The following SLC25A26 variants were observed in gnomAD, a reference collection of about 807,000 sequenced individuals.
The protein encoded by SLC25A26 is mitochondrial S-adenosylmethionine carrier protein.
In SLC25A26, 36 loss-of-function variants were observed where a neutral mutation model predicts 37.8. The observed-to-expected ratio is 0.95, with a 90% CI of 0.73 to 1.26. SLC25A26 has a LOEUF of 1.26. Among genes scored for constraint, SLC25A26 ranks in the 50% most tolerant of loss-of-function variants. SLC25A26 has a pLI of 0.00. For synonymous variants in SLC25A26, 129 were observed against 122.5 expected, an observed-to-expected ratio of 1.05 and a Z score of -0.35; for missense variants, 390 against 331.1, an observed-to-expected ratio of 1.18 and a Z score of -1.38.
Position 66,362,897 on chromosome 3 carries a change from C to T in SLC25A26, c.536C>T (p.Ser179Phe), listed in dbSNP as rs2076743045. 1 of 1,608,378 alleles carries T rather than the reference C, an allele frequency of 6.2e-7. No individual in the cohort carries two copies. Among genetic ancestry groups the T allele is most frequent in the Non-Finnish European group, 8.5e-7 (1 of 1,177,402 alleles). ...WSWRQDHVVD[S>F]WQSAVCGAFA... is the part of the protein sequence containing the mutation. The stretch of plus-strand genomic sequence containing the variant: ...TGGAGGCAGGATCATGTGGTGGATT[C>T]TTGGCAGTCAGCAGTCTGTGGAGCT... The change falls in exon 7 of 10, where the codon TCT becomes TTT. Residue 179 changes from serine (S) to phenylalanine (F), a missense_variant. Transcript: ENST00000354883.
chr3:66,297,021 A>G (rs74845284), intron 5 of SLC25A26, among the ~76,000 whole-genome samples: 7,122 of 152,302 alleles, frequency 0.047, 219 homozygotes, highest in South Asian at 0.074. Context: ...AGTAATAATA[A>G]GAATAAGAAT....
At chr3:66,356,540 C>G (rs1477921945) in intron 6 of SLC25A26, among the ~76,000 whole-genome samples, 2 of 152,150 alleles carry the variant, frequency 1.3e-5, no homozygotes, top group Admixed American at 1.3e-4. Context: ...CAACTAGGGT[C>G]TGTAGCTTAG....
Position 66,371,440 on chromosome 3 carries a change from T to A in SLC25A26, c.707+838T>A, listed in dbSNP as rs908658122. On this transcript the variant is annotated intron_variant, in intron 9 of 9. Transcript: ENST00000354883. The stretch of plus-strand genomic sequence containing the variant: ...TGAGTCAGGACCCAGTTAAGGTTTT[T>A]ATAGGAGAGCAGCACATCCTAGATT... 29 of 1,412,256 alleles carry A rather than the reference T, an allele frequency of 2.1e-5. No homozygotes were observed. The Middle Eastern group carries it at 7.4e-4, about 36-fold the overall frequency. 87.5% of individuals were successfully genotyped at this position (1,412,256 alleles called of 1,614,324 possible). A position where few individuals can be genotyped will look rare whatever the true frequency, so the allele number is the denominator to read the frequency against.
rs182780154 is a variant in SLC25A26 at position 66,248,437 on chromosome 3, G to C, written c.300+5125G>C. Among the ~76,000 whole-genome samples, 15 of 152,282 alleles carry C rather than the reference G, an allele frequency of 9.9e-5. No homozygotes were observed. The East Asian group carries it at 2.5e-3, about 25-fold the overall frequency. ...CTTTGGGAAGTAGAATCTGTAATTA[G>C]ATCAAAGGTTGGGGCAGGTTTACTT... On this transcript the variant is annotated intron_variant, in intron 3 of 9. Coordinates refer to ENST00000354883, the MANE Select transcript of SLC25A26 (RefSeq NM_001379210.1).
At chr3:66,187,612 C>G (rs1190245929) in intron 1 of SLC25A26, among the ~76,000 whole-genome samples, 1 of 151,986 alleles carries the variant, frequency 6.6e-6, no homozygotes. Flanking sequence ...CCTAATCTTT[C>G]CTCTGAAACC....
At chr3:66,273,187 C>T (rs1415997243) in intron 5 of SLC25A26, among the ~76,000 whole-genome samples, 1 of 152,030 alleles carries the variant, frequency 6.6e-6, no homozygotes, top group Non-Finnish European at 1.5e-5. Context: ...CTGCTGGATT[C>T]GGTTTGCCAG....
chr3:66,345,795 T>C (rs1188631488), intron 5 of SLC25A26, among the ~76,000 whole-genome samples: 2 of 152,202 alleles, frequency 1.3e-5, no homozygotes, highest in Non-Finnish European at 2.9e-5. Flanking sequence ...GTTTTTATTA[T>C]GCTGGGAAAT....
intron 1 of SLC25A26, among the ~76,000 whole-genome samples, chr3:66,191,460 C>A (rs1363447741): frequency 1.3e-5 from 2 of 152,128 alleles, no homozygotes; most frequent in East Asian, 1.9e-4. Flanking sequence ...ACATTCCTCT[C>A]AAAAATATCT....
At chr3:66,169,630 T>C (rs763998891) in intron 1 of SLC25A26, among the ~76,000 whole-genome samples, 33 of 152,354 alleles carry the variant, frequency 2.2e-4, no homozygotes, top group Non-Finnish European at 4.0e-4. Flanking sequence ...GTTTATCTTG[T>C]TCATATCTAT....
At position 66,143,164 on chromosome 3, in the gene SLC25A26, T is replaced by TA. The variant is rs538090656; in HGVS notation, c.-354+9193dup. 7.9e-3 allele frequency among the ~76,000 whole-genome samples: 1,144 copies of TA among 143,928 alleles called. 16 individuals carry two copies. Among genetic ancestry groups the TA allele is most frequent in the African/African-American group, 0.024 (951 of 39,614 alleles). The allele number at this position is 143,928 out of a possible 152,430, so 94.4% of individuals were successfully genotyped here. ...ACAATTTTCTTTCATGGCTGAATAA[T>TA]AAAAAAAAAAAAATTGCCATTATCC... is the stretch of plus-strand genomic sequence containing the variant. On this transcript the variant is annotated intron_variant, in intron 1 of 10. Transcript: ENST00000676754.
At chr3:66,230,910 T>A (rs1383011979) in intron 1 of SLC25A26, among the ~76,000 whole-genome samples, 1 of 151,906 alleles carries the variant, frequency 6.6e-6, no homozygotes, top group Non-Finnish European at 1.5e-5. Flanking sequence ...TGCAGTGGCT[T>A]ATGCCTGTAA....
Position 66,230,257 on chromosome 3 carries a change from T to C in SLC25A26, c.34-6287T>C, listed in dbSNP as rs546126555. ...TGATGGTTAGTACCAAAAGGAAATA[T>C]AAACAACATTATATACTAGAGTGAT... On this transcript the variant is annotated intron_variant, in intron 1 of 9. Transcript: ENST00000354883. Among the ~76,000 whole-genome samples the C allele has an allele frequency of 4.6e-5, 7 of 152,310 alleles. No individual in the cohort carries two copies. In the South Asian group the frequency reaches 1.4e-3, roughly 32 times the overall value.
chr3:66,150,015 C>T (rs1465893974), intron 1 of SLC25A26, among the ~76,000 whole-genome samples: 1 of 152,010 alleles, frequency 6.6e-6, no homozygotes, highest in African/African-American at 2.4e-5. Flanking sequence ...TGTGACCAAA[C>T]GTGGGGCTTT....
In SLC25A26 at chr3:66,233,820, A is replaced by G. The variant is rs149859390; in HGVS notation, c.34-2724A>G. 3.7e-3 allele frequency among the ~76,000 whole-genome samples: 564 copies of G among 152,188 alleles called. 5 individuals are homozygous for G. Among genetic ancestry groups the G allele is most frequent in the African/African-American group, 0.013 (546 of 41,526 alleles). On this transcript the variant is annotated intron_variant, in intron 1 of 9. Transcript: ENST00000354883. The stretch of plus-strand genomic sequence containing the variant: ...CCAGACAAGTAAATTGAATCTGGTC[A>G]TTTTTTTCCTCAGAAGATAATAATT...
intron 1 of SLC25A26, among the ~76,000 whole-genome samples, chr3:66,222,116 T>C (rs2071524347): frequency 6.6e-6 from 1 of 152,134 alleles, no homozygotes; most frequent in Admixed American, 6.5e-5. Flanking sequence ...GATGATAGCT[T>C]TAAATCTAGA....
At chr3:66,207,324 T>C (rs1335473391) in intron 1 of SLC25A26, among the ~76,000 whole-genome samples, 1 of 152,156 alleles carries the variant, frequency 6.6e-6, no homozygotes, top group East Asian at 1.9e-4. Flanking sequence ...GGTCTTCCAC[T>C]CTTGGTGCAG....
intron 1 of SLC25A26, among the ~76,000 whole-genome samples, chr3:66,225,370 C>G (rs547138958): frequency 6.6e-6 from 1 of 152,204 alleles, no homozygotes; most frequent in Non-Finnish European, 1.5e-5. Flanking sequence ...TTGCATCCTT[C>G]GAAGCCATAG....
chr3:66,212,510 T>C (rs889301083), intron 1 of SLC25A26, among the ~76,000 whole-genome samples: 1 of 152,212 alleles, frequency 6.6e-6, no homozygotes, highest in Non-Finnish European at 1.5e-5. Context: ...TACATAGGGT[T>C]CAGTACTTTC....
intron 1 of SLC25A26, among the ~76,000 whole-genome samples, chr3:66,154,163 C>T (rs576425236): frequency 1.3e-5 from 2 of 152,134 alleles, no homozygotes; most frequent in South Asian, 2.1e-4. Flanking sequence ...GGTATGAGAC[C>T]GCAGATCTCA....
Sources: allele counts gnomAD v4.1 joint callset (sites outside exome capture counted in the v4.1 genomes callset), GRCh38; gene constraint gnomAD v4.1.1; transcripts MANE v1.5; gene names NCBI Gene and HGNC (gene_info 2026-07-23, HGNC 2026-07-21).